Variants in MBTPS1 observed in about 807,000 individuals in gnomAD.
The protein encoded by MBTPS1 is membrane-bound transcription factor site-1 protease.
Under a neutral mutation model 127.8 loss-of-function variants are expected in MBTPS1, and 94 were observed. The ratio of observed to expected loss-of-function variants is 0.74; its 90% CI spans 0.62 to 0.87. The LOEUF (loss-of-function observed/expected upper bound fraction) is 0.87, where lower values mean the gene tolerates loss of function less well. MBTPS1 is among the 40% of genes least tolerant of loss of function. The probability of loss-of-function intolerance (pLI) is 0.00; values close to 1 mark genes in which losing one functional copy is unlikely to be tolerated. For missense variants in MBTPS1, 1,636 were observed against 1,353.2 expected, an observed-to-expected ratio of 1.21 and a Z score of -3.28; for synonymous variants, 632 against 509.4, an observed-to-expected ratio of 1.24 and a Z score of -3.24.
At position 84,103,253 on chromosome 16, in the gene MBTPS1, A is replaced by T. The variant is rs868549145; in HGVS notation, c.-324-1146T>A. On this transcript the variant is annotated intron_variant, in intron 1 of 22. Coordinates refer to ENST00000343411, the MANE Select transcript of MBTPS1 (RefSeq NM_003791.4). Reference sequence around the variant, plus strand: ...TGCTACTTAGGATTTTATTATTATTATTATTTTTTTTTTTTTTTTGAGGAA... The same window carrying T: ...TGCTACTTAGGATTTTATTATTATTTTTATTTTTTTTTTTTTTTTGAGGAA... 1.1e-3 allele frequency among the ~76,000 whole-genome samples: 160 copies of T among 146,186 alleles called. 1 individual carries two copies. Among genetic ancestry groups the T allele is most frequent in the East Asian group, 8.6e-3 (43 of 5,026 alleles).
intron 12 of MBTPS1, among the ~76,000 whole-genome samples, chr16:84,072,420 C>T (rs554803473): frequency 1.3e-5 from 2 of 152,278 alleles, no homozygotes; most frequent in South Asian, 2.1e-4. Flanking sequence ...CCAAACTGTG[C>T]GACCTAAAAG....
intron 11 of MBTPS1, among the ~76,000 whole-genome samples, chr16:84,078,801 C>T (rs1000754978): frequency 1.3e-5 from 2 of 152,202 alleles, no homozygotes; most frequent in African/African-American, 4.8e-5. Flanking sequence ...CACAGCGATG[C>T]TATCCTTCTA....
intron 11 of MBTPS1, among the ~76,000 whole-genome samples, chr16:84,079,320 G>C (rs2085904706): frequency 2.0e-5 from 3 of 152,058 alleles, no homozygotes; most frequent in Admixed American, 1.3e-4. Context: ...AGCAGTGCAA[G>C]AACAAACGAA....
chr16:84,062,463 A>G (rs903698253), intron 19 of MBTPS1, among the ~76,000 whole-genome samples: 1 of 152,162 alleles, frequency 6.6e-6, no homozygotes, highest in Non-Finnish European at 1.5e-5. Flanking sequence ...AGGGATTTAC[A>G]TAAATGCCAG....
At chr16:84,091,280 G>A (rs530434202) in intron 7 of MBTPS1, among the ~76,000 whole-genome samples, 5 of 152,270 alleles carry the variant, frequency 3.3e-5, no homozygotes, top group African/African-American at 4.8e-5. Flanking sequence ...GAGGTCAGGA[G>A]TTGGAGACCA....
chr16:84,085,876 C>G (rs1043196174), intron 9 of MBTPS1: 3 of 151,890 alleles, frequency 2.0e-5, no homozygotes, highest in Non-Finnish European at 4.4e-5. Flanking sequence ...AAACATGTTT[C>G]TTTACAAGGA....
At chr16:84,106,371 C>G (rs966119859) in intron 1 of MBTPS1, among the ~76,000 whole-genome samples, 4 of 152,124 alleles carry the variant, frequency 2.6e-5, no homozygotes, top group Admixed American at 2.6e-4. Flanking sequence ...GGCTGGGTTT[C>G]TGCTACAGCA....
chr16:84,088,260 G>A (rs922142734), intron 8 of MBTPS1, among the ~76,000 whole-genome samples: 1 of 151,966 alleles, frequency 6.6e-6, no homozygotes, highest in Non-Finnish European at 1.5e-5. Flanking sequence ...CTGATTCCAA[G>A]TGGCTTAAGA....
intron 12 of MBTPS1, among the ~76,000 whole-genome samples, chr16:84,071,541 T>C (rs1296547306): frequency 6.6e-6 from 1 of 152,154 alleles, no homozygotes. Context: ...GAGCCACTGG[T>C]TCCCAAGTGA....
chr16:84,055,115 T>C (rs2085502984), intron 22 of MBTPS1, among the ~76,000 whole-genome samples: 1 of 152,174 alleles, frequency 6.6e-6, no homozygotes, highest in African/African-American at 2.4e-5. Flanking sequence ...GGGAAAGCCC[T>C]TCATGGAGGG....
rs201607116 is a variant in MBTPS1 at position 84,087,353 on chromosome 16, C to A, written c.1134+5G>T. The A allele has an allele frequency of 2.5e-6, 4 of 1,604,760 alleles. No homozygotes were observed. Among genetic ancestry groups the A allele is most frequent in the Non-Finnish European group, 3.4e-6 (4 of 1,172,694 alleles). On this transcript the variant is annotated splice_donor_5th_base_variant and intron_variant, in intron 9 of 22. Coordinates refer to ENST00000343411, the MANE Select transcript of MBTPS1 (RefSeq NM_003791.4). Reference sequence around the variant, plus strand: ...AATACAATTATTTAGCAAAGAAGAGCGTACCCAGGTAGTCATTCCCCTTGA... The same window carrying A: ...AATACAATTATTTAGCAAAGAAGAGAGTACCCAGGTAGTCATTCCCCTTGA...
chr16:84,073,411 C>T (rs953387443), intron 12 of MBTPS1, among the ~76,000 whole-genome samples: 3 of 152,056 alleles, frequency 2.0e-5, no homozygotes, highest in Non-Finnish European at 2.9e-5. Context: ...GGATTACAGG[C>T]TTGAGCCAAC....
intron 12 of MBTPS1, among the ~76,000 whole-genome samples, chr16:84,074,239 T>C (rs904588802): frequency 2.7e-5 from 4 of 148,048 alleles, no homozygotes; most frequent in Non-Finnish European, 6.0e-5. Flanking sequence ...GCTATTTCCT[T>C]TTTTTTTTTT....
At chr16:84,085,261 T>A in intron 9 of MBTPS1, 127 bp from the exon 10 acceptor site, 1 of 965,678 alleles carries the variant, frequency 1.0e-6, no homozygotes. Context: ...AGGAAGGTAC[T>A]GGTTTTAGTC....
intron 12 of MBTPS1, 119 bp downstream of exon 12, chr16:84,074,478 C>G: frequency 1.0e-6 from 1 of 973,910 alleles, no homozygotes; most frequent in Non-Finnish European, 1.5e-6. Context: ...AAGTGATCCT[C>G]TCTCCTCGGC....
chr16:84,054,997 G>A (rs1186535983), intron 22 of MBTPS1, among the ~76,000 whole-genome samples: 2 of 152,198 alleles, frequency 1.3e-5, no homozygotes, highest in African/African-American at 4.8e-5. Flanking sequence ...AAGGGAAGAT[G>A]GGCACGTCTC....
intron 2 of MBTPS1, among the ~76,000 whole-genome samples, chr16:84,101,080 CA>C (rs1292999719): frequency 2.6e-5 from 4 of 151,352 alleles, no homozygotes; most frequent in Admixed American, 1.3e-4. Flanking sequence ...GCAGGCGGAT[CA>C]CGAGGTCAGG....
At chr16:84,081,047 T>G (rs12929729) in intron 11 of MBTPS1, among the ~76,000 whole-genome samples, 81,351 of 152,010 alleles carry the variant, frequency 0.54, 22,306 homozygotes, top group Non-Finnish European at 0.6. Flanking sequence ...TCCCAGAGAA[T>G]GGACCTGTGG....
rs1313850887 is a variant in MBTPS1, at chr16:84,112,148, GC to G, written c.-325+4586del. 3.9e-5 allele frequency among the ~76,000 whole-genome samples: 6 copies of G among 152,136 alleles called. No individual in the cohort carries two copies. In the East Asian group the frequency reaches 1.2e-3, roughly 29 times the overall value. On this transcript the variant is annotated intron_variant, in intron 1 of 22. Coordinates refer to ENST00000343411, the MANE Select transcript of MBTPS1 (RefSeq NM_003791.4). ...ACCAAGGAGGTGGAGGTTGCAGTGGGCGGAGATAAAGCCACTGCATTCCAGC... is the reference window on the plus strand; with the variant it reads ...ACCAAGGAGGTGGAGGTTGCAGTGGGGGAGATAAAGCCACTGCATTCCAGC...
Sources: allele counts gnomAD v4.1 joint callset (sites outside exome capture counted in the v4.1 genomes callset), GRCh38; gene constraint gnomAD v4.1.1; transcripts MANE v1.5; gene names NCBI Gene and HGNC (gene_info 2026-07-23, HGNC 2026-07-21).